The following LRP1B variants were observed in gnomAD, a reference collection of about 807,000 sequenced individuals.
LRP1B encodes low-density lipoprotein receptor-related protein 1B.
Under a neutral mutation model 556.6 loss-of-function variants are expected in LRP1B, and 217 were observed. The ratio of observed to expected loss-of-function variants is 0.39; its 90% CI spans 0.35 to 0.44. The LOEUF (loss-of-function observed/expected upper bound fraction) is 0.44. LRP1B is among the 20% of genes least tolerant of loss of function. The pLI, the probability that LRP1B is intolerant of heterozygous loss-of-function variation, is 1.00. For synonymous variants in LRP1B, 2,047 were observed against 1,865.8 expected (o/e 1.10, Z -2.50); for missense variants, 5,053 against 5,620.8 (o/e 0.90, Z 3.23).
At position 141,890,395 on chromosome 2, in the gene LRP1B, A is replaced by ATATATATATATATGTACTGTG. The variant is rs776446945; in HGVS notation, c.83-79995_83-79994insCACAGTACATATATATATATA. Among the ~76,000 whole-genome samples, 13 of 122,518 alleles carry ATATATATATATATGTACTGTG rather than the reference A, an allele frequency of 1.1e-4. No individual in the cohort carries two copies. In the East Asian group the frequency reaches 2.7e-3, roughly 26 times the overall value. 80.4% of individuals were successfully genotyped at this position (122,518 alleles called of 152,430 possible). On this transcript the variant is annotated intron_variant, in intron 1 of 90. Coordinates refer to ENST00000389484, the MANE Select transcript of LRP1B (RefSeq NM_018557.3). Reference sequence around the variant, plus strand: ...TATAGTGTGTATACATATATAGTGTATATATATATATATACTGAATTGAAA... The same window carrying ATATATATATATATGTACTGTG: ...TATAGTGTGTATACATATATAGTGTATATATATATATATGTACTGTGTATATATATATATACTGAATTGAAA...
chr2:141,685,300 T>G (rs1691255467), intron 2 of LRP1B, among the ~76,000 whole-genome samples: 1 of 152,082 alleles, frequency 6.6e-6, no homozygotes, highest in Non-Finnish European at 1.5e-5. Context: ...TTATATGATT[T>G]AGATGATTAT....
chr2:141,150,360 GAGC>G (rs1430598384), intron 7 of LRP1B, among the ~76,000 whole-genome samples: 1 of 152,186 alleles, frequency 6.6e-6, no homozygotes, highest in Non-Finnish European at 1.5e-5. Flanking sequence ...AAAGAAATCT[GAGC>G]AGGTTTCTGC....
intron 1 of LRP1B, among the ~76,000 whole-genome samples, chr2:141,992,742 T>C (rs1280856529): frequency 6.6e-6 from 1 of 152,138 alleles, no homozygotes; most frequent in Non-Finnish European, 1.5e-5. Context: ...GTCAGGATTC[T>C]GGCATGATAT....
Position 141,396,887 on chromosome 2 carries a change from T to C in LRP1B, c.343+83509A>G, listed in dbSNP as rs895849518. 2.0e-5 allele frequency among the ~76,000 whole-genome samples: 3 copies of C among 150,844 alleles called. No homozygotes were observed. In the South Asian group the frequency reaches 6.3e-4, roughly 32 times the overall value. The stretch of plus-strand genomic sequence containing the variant: ...CCTGTAATCCCAGCACTTTGGGAGG[T>C]GGATCAACTGAGGTCGGGAGTTTGA... On this transcript the variant is annotated intron_variant, in intron 3 of 90. Coordinates refer to ENST00000389484, the MANE Select transcript of LRP1B (RefSeq NM_018557.3).
At chr2:141,741,646 A>G (rs932571937) in intron 2 of LRP1B, among the ~76,000 whole-genome samples, 10 of 151,900 alleles carry the variant, frequency 6.6e-5, no homozygotes, top group Non-Finnish European at 7.4e-5. Context: ...TCAGATTATT[A>G]GTTTATTTTA....
intron 1 of LRP1B, among the ~76,000 whole-genome samples, chr2:141,888,250 A>G (rs1340681980): frequency 6.6e-6 from 1 of 152,174 alleles, no homozygotes; most frequent in Non-Finnish European, 1.5e-5. Flanking sequence ...TTGTATTGCT[A>G]TTTCCCAGTT....
At chr2:141,173,437 G>A (rs1210792692) in intron 7 of LRP1B, among the ~76,000 whole-genome samples, 5 of 152,022 alleles carry the variant, frequency 3.3e-5, no homozygotes, top group Non-Finnish European at 7.4e-5. Context: ...CATGACTCAG[G>A]AGAAATGGAA....
At chr2:140,742,466 A>G (rs1468780389) in intron 35 of LRP1B, among the ~76,000 whole-genome samples, 1 of 152,216 alleles carries the variant, frequency 6.6e-6, no homozygotes, top group Non-Finnish European at 1.5e-5. Context: ...ATTAAAATAT[A>G]TGTTATATCC....
chr2:141,095,251 A>G (rs575106123), intron 7 of LRP1B, among the ~76,000 whole-genome samples: 13 of 149,840 alleles, frequency 8.7e-5, no homozygotes, highest in African/African-American at 3.2e-4. Context: ...AAATGCACAG[A>G]CTCCCACCAT....
At chr2:140,683,362 C>G in intron 41 of LRP1B, 1 of 492,384 alleles carries the variant, frequency 2.0e-6, no homozygotes, top group South Asian at 1.7e-5. Context: ...CACACACAAT[C>G]TTCAGCATCA....
At chr2:140,822,934 G>A (rs1039439259) in intron 31 of LRP1B, among the ~76,000 whole-genome samples, 2 of 152,170 alleles carry the variant, frequency 1.3e-5, no homozygotes, top group Non-Finnish European at 2.9e-5. Flanking sequence ...ACTTCTTCCA[G>A]AAATAATTGT....
chr2:140,683,456 G>A, intron 41 of LRP1B: 1 of 552,986 alleles, frequency 1.8e-6, no homozygotes, highest in Admixed American at 2.3e-5. Context: ...CATAGATCAT[G>A]TCTCCTTTTG....
At chr2:140,912,808 CTT>C (rs1219421893) in intron 21 of LRP1B, among the ~76,000 whole-genome samples, 6 of 151,650 alleles carry the variant, frequency 4.0e-5, no homozygotes, top group Admixed American at 3.9e-4. Context: ...TATAGAAAAA[CTT>C]AAGTTTGTAT....
At chr2:142,065,348 TC>T (rs1705071318) in intron 1 of LRP1B, among the ~76,000 whole-genome samples, 3 of 151,118 alleles carry the variant, frequency 2.0e-5, no homozygotes, top group Admixed American at 1.3e-4. Flanking sequence ...TTTTAGAAGA[TC>T]CCCCCTTTCC....
At chr2:141,707,737 G>A (rs947097664) in intron 2 of LRP1B, among the ~76,000 whole-genome samples, 1 of 152,168 alleles carries the variant, frequency 6.6e-6, no homozygotes, top group Non-Finnish European at 1.5e-5. Context: ...AGTGACAAAT[G>A]TAAGAACACG....
At chr2:140,259,302 G>A (rs909882652) in intron 86 of LRP1B, among the ~76,000 whole-genome samples, 5 of 151,926 alleles carry the variant, frequency 3.3e-5, no homozygotes, top group African/African-American at 9.7e-5. Flanking sequence ...CAAACAAAAG[G>A]CAAAGAGAAG....
intron 1 of LRP1B, among the ~76,000 whole-genome samples, chr2:142,043,781 T>C (rs2105219274): frequency 6.6e-6 from 1 of 151,764 alleles, no homozygotes; most frequent in South Asian, 2.1e-4. Context: ...CTCAACAATA[T>C]TGACATTCGA....
chr2:140,667,412 C>T (rs1330258390), intron 41 of LRP1B, among the ~76,000 whole-genome samples: 2 of 152,180 alleles, frequency 1.3e-5, no homozygotes, highest in East Asian at 1.9e-4. Context: ...TACATGAGTG[C>T]ACACCTAGGT....
chr2:140,614,096 A>AT (rs890245422), intron 41 of LRP1B, among the ~76,000 whole-genome samples: 4 of 151,958 alleles, frequency 2.6e-5, no homozygotes, highest in Non-Finnish European at 5.9e-5. Flanking sequence ...AATTATTTAT[A>AT]TTTTTTTACT....
Sources: gnomAD v4.1 joint callset for allele counts (sites outside exome capture counted in the v4.1 genomes callset) on GRCh38, gnomAD v4.1.1 for gene constraint, MANE v1.5 for transcripts, NCBI Gene and HGNC (gene_info 2026-07-23, HGNC 2026-07-21) for gene names.